Variants in FAM171A1 observed in about 807,000 individuals in gnomAD.
FAM171A1 encodes the protein family with sequence similarity 171 member A1.
FAM171A1 carries 23 observed loss-of-function variants against 74.9 expected under a neutral mutation model. That is an observed-to-expected ratio of 0.31 (90% CI 0.22 to 0.44). The LOEUF (loss-of-function observed/expected upper bound fraction) is 0.44, where lower values mean the gene tolerates loss of function less well. FAM171A1 is among the 20% of genes least tolerant of loss of function. The pLI is 1.00. For missense variants in FAM171A1, 1,162 were observed against 1,159.2 expected, an observed-to-expected ratio of 1.00 and a Z score of -0.03; for synonymous variants, 527 against 505.7, an observed-to-expected ratio of 1.04 and a Z score of -0.57.
At chr10:15,281,306 T>C (rs1834967675) in intron 2 of FAM171A1, among the ~76,000 whole-genome samples, 2 of 152,354 alleles carry the variant, frequency 1.3e-5, no homozygotes, top group Middle Eastern at 3.4e-3. Context: ...CAGCTATTTC[T>C]TTATAGTGGA....
rs767670446 is a variant in FAM171A1 at position 15,212,999 on chromosome 10, A to ATCT, written c.2588_2589insAGA (p.Asp862_Asp863insGlu). The ATCT allele has an allele frequency of 1.2e-6, 2 of 1,613,692 alleles. No individual in the cohort carries two copies. The highest frequency in any genetic ancestry group is 1.7e-6 in the Non-Finnish European group (2 of 1,179,942). ...TGTCTTCTCCTTGGTCATCATCATC[A>ATCT]TCGTCTTCCTCTTCCTCGTGGGCAG... On this transcript the variant is annotated inframe_insertion, in exon 8 of 8. Coordinates refer to ENST00000378116, the MANE Select transcript of FAM171A1 (RefSeq NM_001010924.2).
intron 3 of FAM171A1, among the ~76,000 whole-genome samples, chr10:15,255,398 G>A (rs1354387762): frequency 1.3e-5 from 2 of 152,182 alleles, no homozygotes; most frequent in Non-Finnish European, 2.9e-5. Flanking sequence ...ATACCCCAGC[G>A]GCAATGAATC....
At chr10:15,269,031 C>G (rs1003510326) in intron 3 of FAM171A1, among the ~76,000 whole-genome samples, 11 of 114,688 alleles carry the variant, frequency 9.6e-5, no homozygotes, top group Non-Finnish European at 1.8e-5. Flanking sequence ...AACAGAGACT[C>G]TGTCTCAAAC....
At chr10:15,283,830 C>T in intron 2 of FAM171A1, 48 bp downstream of exon 2, 3 of 1,584,050 alleles carry the variant, frequency 1.9e-6, no homozygotes. Context: ...TGCGATCCTC[C>T]CACCAGCCAA....
At position 15,306,442 on chromosome 10, in the gene FAM171A1, G is replaced by C. The variant is rs537114727; in HGVS notation, c.98-22337C>G. Reference sequence around the variant, plus strand: ...TGCAGTGGCACAATCTTGACTCACTGCCACCTCTGCCTCCTGGGTTCAAGC... The same window carrying C: ...TGCAGTGGCACAATCTTGACTCACTCCCACCTCTGCCTCCTGGGTTCAAGC... On this transcript the variant is annotated intron_variant, in intron 1 of 7. Transcript: ENST00000378116. Among the ~76,000 whole-genome samples the C allele has an allele frequency of 5.9e-4, 89 of 151,370 alleles. 1 individual carries two copies. Among genetic ancestry groups the C allele is most frequent in the African/African-American group, 2.1e-3 (87 of 41,184 alleles).
chr10:15,286,900 G>A (rs1835041366), intron 1 of FAM171A1, among the ~76,000 whole-genome samples: 4 of 152,100 alleles, frequency 2.6e-5, no homozygotes, highest in Admixed American at 6.6e-5. Flanking sequence ...CTCTTAAAAT[G>A]TTTTAGCAAG....
intron 1 of FAM171A1, among the ~76,000 whole-genome samples, chr10:15,317,434 T>C (rs10752367): frequency 0.98 from 148,641 of 152,298 alleles, 72,634 homozygotes; most frequent in East Asian, 1. Flanking sequence ...CTTGCTCTGT[T>C]GCCCAGACTG....
At position 15,254,777 on chromosome 10, in the gene FAM171A1, G is replaced by A. The variant is rs761112645; in HGVS notation, c.521C>T (p.Ser174Phe). The A allele has an allele frequency of 1.9e-6, 3 of 1,614,194 alleles. No individual in the cohort carries two copies. The highest frequency in any genetic ancestry group is 2.2e-5 in the South Asian group (2 of 91,076). ...DLTAFLTAAS[S>F]PSEVDSFPYL... is the part of the protein sequence containing the mutation. ...AGGAAAACTGTCCACCTCCGAAGGGGAGCTGGCGGCCGTGAGAAACGCGGT... is the reference window on the plus strand; with the variant it reads ...AGGAAAACTGTCCACCTCCGAAGGGAAGCTGGCGGCCGTGAGAAACGCGGT... Residue 174 changes from serine to phenylalanine, a missense_variant, in exon 4 of 8, where the codon TCC becomes TTC. Physicochemically the swap from Ser to Phe is radical, Grantham distance 155. Coordinates refer to ENST00000378116, the MANE Select transcript of FAM171A1 (RefSeq NM_001010924.2).
intron 5 of FAM171A1, chr10:15,241,370 AT>A (rs1263458148): frequency 2.0e-5 from 3 of 152,060 alleles, no homozygotes; most frequent in Non-Finnish European, 4.4e-5. Context: ...TTTTTTTTAA[AT>A]TTTTTTATTT....
At chr10:15,217,017 C>A (rs1412299530) in intron 6 of FAM171A1, among the ~76,000 whole-genome samples, 4 of 152,076 alleles carry the variant, frequency 2.6e-5, no homozygotes, top group Non-Finnish European at 5.9e-5. Flanking sequence ...AAAATGATAT[C>A]CATCTTTAAA....
At chr10:15,221,514 GA>G (rs780245214) in intron 5 of FAM171A1, among the ~76,000 whole-genome samples, 34 of 152,116 alleles carry the variant, frequency 2.2e-4, no homozygotes, top group Non-Finnish European at 3.7e-4. Context: ...GGGGTGTTTT[GA>G]AAAAATAGAT....
At chr10:15,227,265 T>G (rs1377140314) in intron 5 of FAM171A1, among the ~76,000 whole-genome samples, 2 of 150,900 alleles carry the variant, frequency 1.3e-5, no homozygotes, top group African/African-American at 2.4e-5. Context: ...CCTCCCAAAG[T>G]GTAGGGATTA....
chr10:15,311,640 C>T (rs181734166), intron 1 of FAM171A1, among the ~76,000 whole-genome samples: 27 of 152,008 alleles, frequency 1.8e-4, no homozygotes, highest in Admixed American at 9.2e-4. Context: ...GGTTTCTTCC[C>T]GCCCCACAGC....
intron 5 of FAM171A1, among the ~76,000 whole-genome samples, chr10:15,244,635 T>G (rs973436037): frequency 6.6e-6 from 1 of 152,186 alleles, no homozygotes; most frequent in African/African-American, 2.4e-5. Flanking sequence ...ATCACAAGCA[T>G]TCAGAATAAA....
At chr10:15,229,960 G>A (rs111364729) in intron 5 of FAM171A1, among the ~76,000 whole-genome samples, 10 of 105,164 alleles carry the variant, frequency 9.5e-5, no homozygotes, top group East Asian at 7.6e-4. Context: ...ACCATCAGGC[G>A]TTTCCAGATC....
intron 1 of FAM171A1, among the ~76,000 whole-genome samples, chr10:15,311,462 C>A (rs1027257977): frequency 6.6e-6 from 1 of 152,168 alleles, no homozygotes; most frequent in Non-Finnish European, 1.5e-5. Context: ...AAGTAACCTT[C>A]GCCTTCCCTG....
chr10:15,356,267 C>T (rs970907683), intron 1 of FAM171A1, among the ~76,000 whole-genome samples: 8 of 150,890 alleles, frequency 5.3e-5, no homozygotes, highest in Non-Finnish European at 8.8e-5. Flanking sequence ...TAAATCTGCC[C>T]TCAAAATGGC....
chr10:15,346,960 G>A (rs994911524), intron 1 of FAM171A1, among the ~76,000 whole-genome samples: 2 of 152,204 alleles, frequency 1.3e-5, no homozygotes, highest in Non-Finnish European at 2.9e-5. Flanking sequence ...AGCTGGCAGA[G>A]CTGGCTGCTG....
chr10:15,333,643 C>T (rs896241808), intron 1 of FAM171A1, among the ~76,000 whole-genome samples: 5 of 152,046 alleles, frequency 3.3e-5, no homozygotes, highest in Non-Finnish European at 5.9e-5. Context: ...GCCTGGCCAA[C>T]ATAATGAGAC....
Sources: gnomAD v4.1 joint callset for allele counts (sites outside exome capture counted in the v4.1 genomes callset) on GRCh38, gnomAD v4.1.1 for gene constraint, MANE v1.5 for transcripts, NCBI Gene and HGNC (gene_info 2026-07-23, HGNC 2026-07-21) for gene names.